Variants in ZP3 observed in about 807,000 individuals in gnomAD.
ZP3 encodes zona pellucida glycoprotein 3.
A neutral mutation model predicts 35.6 loss-of-function variants in ZP3; 21 were observed. The ratio of observed to expected loss-of-function variants is 0.59; its 90% CI spans 0.42 to 0.85. ZP3 has a LOEUF of 0.85. ZP3 is among the 40% of genes least tolerant of loss of function. The pLI is 0.00. For synonymous variants in ZP3, 207 were observed against 214.5 expected (o/e 0.96, Z 0.31); for missense variants, 437 against 536.5 (o/e 0.81, Z 1.83).
Position 76,440,358 on chromosome 7 carries a change from C to T in ZP3, c.923+17C>T, listed in dbSNP as rs375522658. ...TTCCAACAGGTGAGGAGGACAGGTG[C>T]TCCGTGACTGGAGTAGAAACTGAAT... is the stretch of plus-strand genomic sequence containing the variant. On this transcript the variant is annotated intron_variant, in intron 6 of 7. Transcript: ENST00000394857. 9.3e-5 allele frequency: 149 copies of T among 1,608,252 alleles called. 1 individual carries two copies. The African/African-American group carries it at 1.7e-3, about 19-fold the overall frequency.
chr7:76,429,775 C>T, intron 2 of ZP3, 142 bp downstream of exon 2: 1 of 747,624 alleles, frequency 1.3e-6, no homozygotes, highest in South Asian at 1.6e-5. Context: ...GGTTACTGTA[C>T]TGCGTGGGAT....
At chr7:76,429,814 C>T (rs1805776905) in intron 2 of ZP3, among the ~76,000 whole-genome samples, 181 bp downstream of exon 2, 1 of 152,074 alleles carries the variant, frequency 6.6e-6, no homozygotes, top group African/African-American at 2.4e-5. Context: ...TAGTTCGAGC[C>T]CCAGAAGAGT....
chr7:76,401,163 T>C, intron 1 of ZP3: 1 of 1,318,728 alleles, frequency 7.6e-7, no homozygotes, highest in South Asian at 1.6e-5. Context: ...TGGACTTCAG[T>C]ACCCCTGCTT....
chr7:76,426,713 G>A (rs569323646), intron 1 of ZP3, among the ~76,000 whole-genome samples: 1 of 151,948 alleles, frequency 6.6e-6, no homozygotes, highest in Non-Finnish European at 1.5e-5. Flanking sequence ...TTTTGTTGTT[G>A]TTTTTGTTTT....
At position 76,433,646 on chromosome 7, in the gene ZP3, G is replaced by T. The variant is rs1260436403; in HGVS notation, c.712G>T (p.Gly238Cys). ...TTATCACACCATCGTGGACTTCCAT[G>T]GGTGAGCACTGGGCTCCCTGCCTAG... Reference protein sequence around the residue: ...SPYHTIVDFHGCLVDGLTDAS... With the variant: ...SPYHTIVDFHCCLVDGLTDAS... Residue 238 changes from glycine (G) to cysteine (C), a missense_variant and splice_region_variant, in exon 4 of 8, where the codon GGC (glycine) becomes TGC (cysteine). By Grantham distance (159) the Gly-to-Cys change is radical. Coordinates refer to ENST00000394857, the MANE Select transcript of ZP3 (RefSeq NM_001110354.2). 1 of 1,600,054 alleles carries T rather than the reference G, an allele frequency of 6.2e-7. No individual in the cohort carries two copies. Among genetic ancestry groups the T allele is most frequent in the Non-Finnish European group, 8.5e-7 (1 of 1,171,350 alleles).
In ZP3 at chr7:76,428,930, C is replaced by T. The variant is rs113797015; in HGVS notation, c.313-585C>T. ...CTCCTGACCTCAGATGATCTGCCCT[C>T]CTCAGCCTCCCAAAGTGCTGGGATT... On this transcript the variant is annotated intron_variant, in intron 1 of 7. Transcript: ENST00000394857. 9.6e-3 allele frequency: 1,476 copies of T among 154,022 alleles called. 25 individuals are homozygous for T. The highest frequency in any genetic ancestry group is 0.034 in the African/African-American group (1,424 of 41,582). 9.5% of individuals were successfully genotyped at this position (154,022 alleles called of 1,614,324 possible).
chr7:76,397,887 C>T, intron 1 of ZP3: 1 of 1,454,576 alleles, frequency 6.9e-7, no homozygotes, highest in Non-Finnish European at 9.1e-7. Flanking sequence ...TGCCCCCGTC[C>T]GCACCGCAAG....
chr7:76,420,906 CGTGTGT>C (rs55828330), upstream of ZP3, among the ~76,000 whole-genome samples: 16 of 144,606 alleles, frequency 1.1e-4, no homozygotes, highest in South Asian at 6.6e-4. Flanking sequence ...TATATTTCCA[CGTGTGT>C]GTGTGTGTGT....
At chr7:76,429,413 TTC>T in intron 1 of ZP3, 100 bp from the exon 2 acceptor site, 1 of 1,105,102 alleles carries the variant, frequency 9.0e-7, no homozygotes, top group Non-Finnish European at 1.4e-6. Flanking sequence ...CCTGTGGTCT[TTC>T]TGTCCCCTTG....
intron 1 of ZP3, chr7:76,398,913 C>G: frequency 9.8e-7 from 1 of 1,022,710 alleles, no homozygotes; most frequent in Non-Finnish European, 1.5e-6. Flanking sequence ...AGCCTCTGGC[C>G]ACACAAAGAG....
At chr7:76,397,895 A>C (rs1804693955) in intron 1 of ZP3, 8 of 1,435,764 alleles carry the variant, frequency 5.6e-6, no homozygotes, top group Non-Finnish European at 7.4e-6. Context: ...TCCGCACCGC[A>C]AGGGCAGCCC....
chr7:76,433,144 G>T (rs1805884204), intron 3 of ZP3, 114 bp downstream of exon 3: 1 of 705,212 alleles, frequency 1.4e-6, no homozygotes, highest in Non-Finnish European at 2.4e-6. Flanking sequence ...GTTGGTTTTG[G>T]TTGGTTTTGG....
intron 1 of ZP3, chr7:76,409,453 C>T (rs1002367908): frequency 1.1e-4 from 17 of 152,258 alleles, no homozygotes; most frequent in Admixed American, 1.1e-3. Flanking sequence ...CCTTCTTCTA[C>T]AGTCAATCCA....
intron 5 of ZP3, among the ~76,000 whole-genome samples, chr7:76,439,144 A>AC: frequency 1.4e-5 from 2 of 141,376 alleles, no homozygotes; most frequent in African/African-American, 2.6e-5. Flanking sequence ...AAAAAAAAAA[A>AC]AAAAAAACCT....
chr7:76,416,947 T>TAC (rs976833266), intron 1 of ZP3, among the ~76,000 whole-genome samples: 12 of 15,012 alleles, frequency 8.0e-4, no homozygotes, highest in Non-Finnish European at 2.2e-3. Context: ...TATACATACA[T>TAC]ATATATATAT....
upstream of ZP3, among the ~76,000 whole-genome samples, chr7:76,423,905 C>G (rs1411056000): frequency 1.3e-5 from 2 of 151,948 alleles, no homozygotes; most frequent in Non-Finnish European, 1.5e-5. Context: ...GAAGCCAAGC[C>G]CCGCTTCTGC....
intron 1 of ZP3, chr7:76,428,753 C>CT (rs1805745928): frequency 6.6e-6 from 1 of 152,636 alleles, no homozygotes; most frequent in Non-Finnish European, 1.5e-5. Flanking sequence ...ACGATCTCCG[C>CT]TCACTGCAAC....
At chr7:76,437,200 G>A in intron 5 of ZP3, among the ~76,000 whole-genome samples, 1 of 108,774 alleles carries the variant, frequency 9.2e-6, no homozygotes, top group Non-Finnish European at 1.7e-5. Context: ...TTTTTGGACA[G>A]AGTCTCGCTC....
In ZP3 at chr7:76,424,970, G is replaced by A. The variant is rs1384715297; in HGVS notation, c.6G>A (p.Glu2=). 5 of 1,532,200 alleles carry A rather than the reference G, an allele frequency of 3.3e-6. No homozygotes were observed. Among genetic ancestry groups the A allele is most frequent in the Non-Finnish European group, 3.5e-6 (4 of 1,139,064 alleles). The allele number at this position is 1,532,200 out of a possible 1,614,324, so 94.9% of individuals were successfully genotyped here. Residue 2 remains glutamate (E), a synonymous_variant, in exon 1 of 8, where the codon GAG becomes GAA. Coordinates refer to ENST00000394857, the MANE Select transcript of ZP3 (RefSeq NM_001110354.2). The part of the protein sequence containing the change: M[E]LSYRLFICLL... ...CCTGCTGCTCTGCAGGTACCATGGA[G>A]CTGAGCTATAGGCTCTTCATCTGCC...
Sources: gnomAD v4.1 joint callset for allele counts (sites outside exome capture counted in the v4.1 genomes callset) on GRCh38, gnomAD v4.1.1 for gene constraint, MANE v1.5 for transcripts, NCBI Gene and HGNC (gene_info 2026-07-23, HGNC 2026-07-21) for gene names.